The following POLR1F variants were observed in gnomAD, a reference collection of about 807,000 sequenced individuals.
POLR1F encodes RNA polymerase I subunit F.
POLR1F carries 23 observed loss-of-function variants against 21.8 expected under a neutral mutation model. The ratio of observed to expected loss-of-function variants is 1.05; its 90% CI spans 0.76 to 1.49. POLR1F has a LOEUF of 1.49. Among genes scored for constraint, POLR1F ranks in the 40% most tolerant of loss-of-function variants. The probability of loss-of-function intolerance (pLI) is 0.00; values close to 1 mark genes in which losing one functional copy is unlikely to be tolerated. For missense variants in POLR1F, 435 were observed against 412.1 expected (o/e 1.06, Z -0.48); for synonymous variants, 162 against 152.8 (o/e 1.06, Z -0.45).
chr7:19,707,971 C>A (rs896335489), intron 1 of POLR1F, among the ~76,000 whole-genome samples: 2 of 152,090 alleles, frequency 1.3e-5, no homozygotes, highest in African/African-American at 4.8e-5. Context: ...CTAGAGAATC[C>A]ATTCCCTCTA....
At position 19,700,216 on chromosome 7, in the gene POLR1F, G is replaced by A. The variant is rs1783431070; in HGVS notation, c.461C>T (p.Ser154Phe). ...TGACAACTGCTCAGGTTTAGGAATG[G>A]AGGCATTGAAACACCCATGTACTAA... Reference protein sequence around the residue: ...GCLVHGCFNASIPKPEQLSAE... With the variant: ...GCLVHGCFNAFIPKPEQLSAE... Residue 154 changes from serine (S) to phenylalanine (F), a missense_variant, in exon 3 of 4, where the codon TCC (serine) becomes TTC (phenylalanine). By Grantham distance (155) the Ser-to-Phe change is radical. Coordinates refer to ENST00000222567, the MANE Select transcript of POLR1F (RefSeq NM_001002926.2). 1 of 1,613,760 alleles carries A rather than the reference G, an allele frequency of 6.2e-7. No homozygotes were observed. The highest frequency in any genetic ancestry group is 8.5e-7 in the Non-Finnish European group (1 of 1,179,848).
intron 2 of POLR1F, among the ~76,000 whole-genome samples, chr7:19,702,973 T>A (rs1783464728): frequency 6.6e-6 from 1 of 152,228 alleles, no homozygotes; most frequent in African/African-American, 2.4e-5. Context: ...CTGCTTCTAG[T>A]TATTTACTTA....
At chr7:19,708,701 C>G (rs562348057) in intron 1 of POLR1F, 62 bp downstream of exon 1, 1 of 1,560,950 alleles carries the variant, frequency 6.4e-7, no homozygotes, top group Non-Finnish European at 8.7e-7. Context: ...GCTGCGTCGT[C>G]AGCACATCCA....
rs1461843182 is a variant in POLR1F at position 19,700,110 on chromosome 7, A to G, written c.567T>C (p.Ala189=). 6.2e-7 allele frequency: 1 copy of G among 1,613,814 alleles called. No individual in the cohort carries two copies. The highest frequency in any genetic ancestry group is 8.5e-7 in the Non-Finnish European group (1 of 1,179,816). ...GTTTTCCCCGAATGCAGAATACTCC[A>G]GCAGCATCTGAGTCTAAACGAAATA... ...FEVFRLDSDA[A]GVFCIRGKLN... is the part of the protein sequence containing the mutation. The change falls in exon 3 of 4, where the codon GCT becomes GCC. Residue 189 remains alanine, a synonymous_variant. Coordinates refer to ENST00000222567, the MANE Select transcript of POLR1F (RefSeq NM_001002926.2).
chr7:19,701,967 G>C (rs1215226361), intron 2 of POLR1F, among the ~76,000 whole-genome samples: 1 of 152,148 alleles, frequency 6.6e-6, no homozygotes, highest in Admixed American at 6.5e-5. Flanking sequence ...AGCAATATCT[G>C]TGTGTCAGTG....
chr7:19,701,700 C>T (rs577631204), intron 2 of POLR1F, among the ~76,000 whole-genome samples: 5 of 62,030 alleles, frequency 8.1e-5, no homozygotes, highest in African/African-American at 3.4e-4. Context: ...TGTTAACTAA[C>T]CTTTAAGTCA....
At chr7:19,704,631 A>G (rs1783492371) in intron 2 of POLR1F, 148 bp downstream of exon 2, 1 of 736,806 alleles carries the variant, frequency 1.4e-6, no homozygotes, top group Admixed American at 3.9e-5. Context: ...TTTGAATGAT[A>G]CAAATTAATT....
At chr7:19,706,298 C>T (rs1783523673) in intron 1 of POLR1F, among the ~76,000 whole-genome samples, 1 of 152,120 alleles carries the variant, frequency 6.6e-6, no homozygotes, top group Non-Finnish European at 1.5e-5. Flanking sequence ...ATCACTAAGA[C>T]AATGTTAGGG....
At position 19,700,657 on chromosome 7, in the gene POLR1F, T is replaced by C. The variant is rs185638309; in HGVS notation, c.397-377A>G. The stretch of plus-strand genomic sequence containing the variant: ...AGGACAGTATTACTCTTTAGCTACA[T>C]TGAAACCAAGCAAACCCCATATAAC... On this transcript the variant is annotated intron_variant, in intron 2 of 3. Transcript: ENST00000222567. 2.2e-3 allele frequency among the ~76,000 whole-genome samples: 332 copies of C among 152,342 alleles called. 1 individual carries two copies. The highest frequency in any genetic ancestry group is 2.9e-3 in the Non-Finnish European group (199 of 68,032).
At chr7:19,704,739 G>C in intron 2 of POLR1F, 40 bp downstream of exon 2, 1 of 1,536,348 alleles carries the variant, frequency 6.5e-7, no homozygotes, top group Non-Finnish European at 8.7e-7. Context: ...CATAATTATA[G>C]AATTATACAA....
chr7:19,698,475 T>C lies in POLR1F; in HGVS notation c.858A>G (p.Glu286=). 3 of 1,612,024 alleles carry C rather than the reference T, an allele frequency of 1.9e-6. No homozygotes were observed. Among genetic ancestry groups the C allele is most frequent in the Non-Finnish European group, 2.5e-6 (3 of 1,179,528 alleles). The change falls in exon 4 of 4, where the codon GAA becomes GAG. Residue 286 remains glutamate, a synonymous_variant. Transcript: ENST00000222567. ...GGAAAACAGGGTCCTGGTCCTGAACTTCCTGGTGCTTTTTCTTCTTCTTCT... is the reference window on the plus strand; with the variant it reads ...GGAAAACAGGGTCCTGGTCCTGAACCTCCTGGTGCTTTTTCTTCTTCTTCT... The part of the protein sequence containing the change: ...KKKKKKKKHQ[E]VQDQDPVFQG...
intron 1 of POLR1F, among the ~76,000 whole-genome samples, chr7:19,707,357 AAACAAC>A (rs968495649): frequency 6.6e-6 from 1 of 152,176 alleles, no homozygotes; most frequent in Non-Finnish European, 1.5e-5. Flanking sequence ...ACAAAAGGAA[AAACAAC>A]AACAACCCCA....
rs921061447 is a variant in POLR1F, at chr7:19,696,615, T to C, written c.*1701A>G. ...TATATTAAGTCCTAGTAATATGATA[T>C]AGTTTATTTCAATTTTTTTTCAACT... On this transcript the variant is annotated 3_prime_UTR_variant, in exon 4 of 4. Coordinates refer to ENST00000222567, the MANE Select transcript of POLR1F (RefSeq NM_001002926.2). 2 of 152,110 alleles carry C rather than the reference T, an allele frequency of 1.3e-5. No homozygotes were observed. The highest frequency in any genetic ancestry group is 2.9e-5 in the Non-Finnish European group (2 of 67,934). The allele number at this position is 152,110 out of a possible 1,614,324, so 9.4% of individuals were successfully genotyped here. A position where few individuals can be genotyped will look rare whatever the true frequency, so the allele number is the denominator to read the frequency against.
chr7:19,703,951 A>C (rs1318360321), intron 2 of POLR1F, among the ~76,000 whole-genome samples: 5 of 152,224 alleles, frequency 3.3e-5, no homozygotes, highest in Admixed American at 2.0e-4. Flanking sequence ...TAAGTTTGTT[A>C]ATTTCCAAAT....
Position 19,700,282 on chromosome 7 carries a change from T to G in POLR1F, c.397-2A>C. ...AGAAGACACTTTATTAACTATACCC[T>G]GGGAAGAAGAAGGAAGAAAGAGCGT... On this transcript the variant is annotated splice_acceptor_variant, in intron 2 of 3. Transcript: ENST00000222567. LOFTEE classifies it high-confidence loss of function. The G allele has an allele frequency of 6.2e-7, 1 of 1,611,768 alleles. No individual in the cohort carries two copies. Among genetic ancestry groups the G allele is most frequent in the Non-Finnish European group, 8.5e-7 (1 of 1,178,202 alleles).
At chr7:19,701,720 T>TG (rs979105982) in intron 2 of POLR1F, among the ~76,000 whole-genome samples, 13 of 150,616 alleles carry the variant, frequency 8.6e-5, no homozygotes, top group South Asian at 2.1e-4. Flanking sequence ...AGATGGCCTC[T>TG]GGGGGGGCAG....
At position 19,696,435 on chromosome 7, in the gene POLR1F, G is replaced by T. The variant is rs902600151; in HGVS notation, c.*1881C>A. On this transcript the variant is annotated 3_prime_UTR_variant, in exon 4 of 4. Coordinates refer to ENST00000222567, the MANE Select transcript of POLR1F (RefSeq NM_001002926.2). ...GCTAAGCCACAATGTATTTTTCCAGGAATAGCATAAATTTGCCATCTTTCT... is the reference window on the plus strand; with the variant it reads ...GCTAAGCCACAATGTATTTTTCCAGTAATAGCATAAATTTGCCATCTTTCT... The T allele has an allele frequency of 6.6e-6, 1 of 152,018 alleles. No individual in the cohort carries two copies. The highest frequency in any genetic ancestry group is 1.5e-5 in the Non-Finnish European group (1 of 67,932). 9.4% of individuals were successfully genotyped at this position (152,018 alleles called of 1,614,324 possible).
Position 19,696,494 on chromosome 7 carries a change from A to G in POLR1F, c.*1822T>C, listed in dbSNP as rs1461709545. The G allele has an allele frequency of 6.6e-6, 1 of 152,126 alleles. No homozygotes were observed. Among genetic ancestry groups the G allele is most frequent in the Non-Finnish European group, 1.5e-5 (1 of 67,962 alleles). The allele number at this position is 152,126 out of a possible 1,614,324, so 9.4% of individuals were successfully genotyped here. ...TGGAAAAGGGGTTTAGAATTGTTTC[A>G]CTAAAAATTAAATTTCTATATTGTC... On this transcript the variant is annotated 3_prime_UTR_variant, in exon 4 of 4. Coordinates refer to ENST00000222567, the MANE Select transcript of POLR1F (RefSeq NM_001002926.2).
At chr7:19,702,651 T>C (rs1340342822) in intron 2 of POLR1F, among the ~76,000 whole-genome samples, 2 of 152,162 alleles carry the variant, frequency 1.3e-5, no homozygotes, top group Non-Finnish European at 2.9e-5. Context: ...GAAGAAAATA[T>C]TCAAAATACT....
Sources: allele counts gnomAD v4.1 joint callset (sites outside exome capture counted in the v4.1 genomes callset), GRCh38; gene constraint gnomAD v4.1.1; transcripts MANE v1.5; gene names NCBI Gene and HGNC (gene_info 2026-07-23, HGNC 2026-07-21).